The following BLK variants were observed in gnomAD, a reference collection of about 807,000 sequenced individuals.
The protein encoded by BLK is tyrosine-protein kinase Blk.
In BLK, 64 loss-of-function variants were observed where a neutral mutation model predicts 61.8. The observed-to-expected ratio is 1.03, with a 90% confidence interval of 0.85 to 1.27. The LOEUF is 1.27. Among genes scored for constraint, BLK ranks in the 50% most tolerant of loss-of-function variants. The pLI is 0.00. For synonymous variants in BLK, 351 were observed against 272.0 expected, an observed-to-expected ratio of 1.29 and a Z score of -2.86; for missense variants, 853 against 660.5, an observed-to-expected ratio of 1.29 and a Z score of -3.19.
At chr8:11,530,751 A>T (rs982319462) in intron 1 of BLK, among the ~76,000 whole-genome samples, 2 of 152,248 alleles carry the variant, frequency 1.3e-5, no homozygotes, top group African/African-American at 4.8e-5. Flanking sequence ...GAAAAGTCGA[A>T]AAGATTTTTC....
In BLK at chr8:11,561,399, T is replaced by A. The variant is rs1801501823; in HGVS notation, c.1127T>A (p.Ile376Asn). 6.2e-7 allele frequency: 1 copy of A among 1,613,942 alleles called. No homozygotes were observed. The change falls in exon 11 of 13, where the codon ATT becomes AAT. Residue 376 changes from isoleucine (I) to asparagine (N), a missense_variant. Physicochemically the swap from Ile to Asn is moderately radical, Grantham distance 149. Transcript: ENST00000259089. ...GTGTCTGAGGCCTTGTGCTGCAAAATTGCTGATTTTGGCTTGGCTCGAATC... is the reference window on the plus strand; with the variant it reads ...GTGTCTGAGGCCTTGTGCTGCAAAAATGCTGATTTTGGCTTGGCTCGAATC... ...ILVSEALCCKIADFGLARIID... is the reference protein window; with the variant it reads ...ILVSEALCCKNADFGLARIID...
At chr8:11,506,983 G>C (rs969987499) in intron 1 of BLK, among the ~76,000 whole-genome samples, 1 of 152,238 alleles carries the variant, frequency 6.6e-6, no homozygotes, top group African/African-American at 2.4e-5. Context: ...AATGGGTGCA[G>C]AACCATCGTG....
chr8:11,514,462 G>A (rs544271635), intron 1 of BLK, among the ~76,000 whole-genome samples: 1 of 152,376 alleles, frequency 6.6e-6, no homozygotes, highest in South Asian at 2.1e-4. Flanking sequence ...GGCCATCCCA[G>A]GTCTCAGAAG....
At chr8:11,536,522 C>T (rs567244853) in intron 1 of BLK, among the ~76,000 whole-genome samples, 1 of 152,208 alleles carries the variant, frequency 6.6e-6, no homozygotes, top group African/African-American at 2.4e-5. Context: ...TCCCAAGTAG[C>T]TGGGATTACA....
intron 1 of BLK, among the ~76,000 whole-genome samples, chr8:11,498,561 A>T (rs931555268): frequency 6.6e-6 from 1 of 152,248 alleles, no homozygotes; most frequent in Non-Finnish European, 1.5e-5. Flanking sequence ...CATAGAAGTC[A>T]GACAAAGCAG....
intron 1 of BLK, among the ~76,000 whole-genome samples, chr8:11,531,369 A>G (rs1799879907): frequency 6.6e-6 from 1 of 152,074 alleles, no homozygotes; most frequent in African/African-American, 2.4e-5. Flanking sequence ...CTAAGGGAAT[A>G]ATCTATTCTA....
At chr8:11,547,874 G>A (rs1049799947) in intron 3 of BLK, among the ~76,000 whole-genome samples, 158 bp from the exon 4 acceptor site, 9 of 152,024 alleles carry the variant, frequency 5.9e-5, no homozygotes, top group African/African-American at 1.9e-4. Context: ...ATCCCTGGTG[G>A]GGTCACAGGG....
Position 11,537,752 on chromosome 8 carries a change from G to A in BLK, c.-1-5472G>A, listed in dbSNP as rs542690348. ...ATGTATTAGAAAAAAAGAAAAACTC[G>A]TTATCCGTCAAGTGCTTTTCAACCA... On this transcript the variant is annotated intron_variant, in intron 1 of 12. Transcript: ENST00000259089. Among the ~76,000 whole-genome samples, 21 of 152,272 alleles carry A rather than the reference G, an allele frequency of 1.4e-4. No individual in the cohort carries two copies. In the East Asian group the frequency reaches 4.0e-3, roughly 29 times the overall value.
chr8:11,497,379 C>A (rs1798398376), intron 1 of BLK, among the ~76,000 whole-genome samples: 1 of 152,174 alleles, frequency 6.6e-6, no homozygotes, highest in Non-Finnish European at 1.5e-5. Context: ...CCCACCTTCC[C>A]ACCTAGGCAA....
At chr8:11,526,144 A>G (rs1799644511) in intron 1 of BLK, among the ~76,000 whole-genome samples, 1 of 152,188 alleles carries the variant, frequency 6.6e-6, no homozygotes, top group African/African-American at 2.4e-5. Context: ...AATATCTCTG[A>G]GCTAAATACA....
rs758119170 is a variant in BLK at position 11,556,680 on chromosome 8, G to T, written c.795G>T (p.Lys265Asn). The T allele has an allele frequency of 6.2e-7, 1 of 1,614,068 alleles. No homozygotes were observed. Among genetic ancestry groups the T allele is most frequent in the Non-Finnish European group, 8.5e-7 (1 of 1,180,048 alleles). Residue 265 changes from lysine to asparagine, a missense_variant, in exon 9 of 13, where the codon AAG becomes AAT. Coordinates refer to ENST00000259089, the MANE Select transcript of BLK (RefSeq NM_001715.3). ...VWMGYYKNNMKVAIKTLKEGT... is the reference protein window; with the variant it reads ...VWMGYYKNNMNVAIKTLKEGT... ...CAGGTTACTACAAAAACAACATGAAGGTGGCCATTAAGACGCTGAAGGAGG... is the reference window on the plus strand; with the variant it reads ...CAGGTTACTACAAAAACAACATGAATGTGGCCATTAAGACGCTGAAGGAGG...
At chr8:11,515,827 G>C (rs1323239849) in intron 1 of BLK, among the ~76,000 whole-genome samples, 4 of 152,212 alleles carry the variant, frequency 2.6e-5, no homozygotes, top group Admixed American at 2.6e-4. Flanking sequence ...AAATCAAACA[G>C]GGAATTGCTT....
At chr8:11,563,499 C>A (rs190328168) in intron 12 of BLK, among the ~76,000 whole-genome samples, 102 of 152,330 alleles carry the variant, frequency 6.7e-4, no homozygotes, top group African/African-American at 2.3e-3. Flanking sequence ...CAGCCCCCAG[C>A]CCCAGTCGAA....
intron 1 of BLK, among the ~76,000 whole-genome samples, chr8:11,524,332 T>C (rs7012615): frequency 0.02 from 3,096 of 152,272 alleles, 95 homozygotes; most frequent in African/African-American, 0.07. Context: ...GATTTTCCAT[T>C]GGTGGTAGGG....
chr8:11,508,808 T>A (rs1798881060), intron 1 of BLK, among the ~76,000 whole-genome samples: 2 of 152,168 alleles, frequency 1.3e-5, no homozygotes, highest in African/African-American at 4.8e-5. Flanking sequence ...TCCTGCCCTT[T>A]GGGGCCATCA....
intron 2 of BLK, among the ~76,000 whole-genome samples, chr8:11,543,774 C>T (rs756215381): frequency 2.0e-5 from 3 of 152,052 alleles, no homozygotes; most frequent in Non-Finnish European, 2.9e-5. Flanking sequence ...CCTCACCTCC[C>T]GAGCAGGCTC....
chr8:11,563,029 G>C lies in BLK; in HGVS notation c.1231G>C (p.Val411Leu). 1 of 1,614,184 alleles carries C rather than the reference G, an allele frequency of 6.2e-7. No homozygotes were observed. Among genetic ancestry groups the C allele is most frequent in the South Asian group, 1.1e-5 (1 of 91,090 alleles). ...AGCCCCGGAAGCCATCCACTTCGGG[G>C]TCTTCACCATCAAAGCAGACGTGTG... ...WTAPEAIHFGVFTIKADVWSF... is the reference protein window; with the variant it reads ...WTAPEAIHFGLFTIKADVWSF... Residue 411 changes from valine to leucine, a missense_variant, in exon 12 of 13, where the codon GTC becomes CTC. By Grantham distance (32) the Val-to-Leu change is conservative. Transcript: ENST00000259089.
At chr8:11,560,964 A>C in intron 10 of BLK, 2 of 504,068 alleles carry the variant, frequency 4.0e-6, no homozygotes, top group Non-Finnish European at 3.9e-6. Flanking sequence ...CTTCCTTACC[A>C]TTTCTTCTCT....
At chr8:11,549,949 C>A in intron 5 of BLK, 2 of 626,502 alleles carry the variant, frequency 3.2e-6, no homozygotes, top group South Asian at 1.7e-5. Context: ...AACAGTGAGT[C>A]CAGGGCTGAC....
Sources: allele counts gnomAD v4.1 joint callset (sites outside exome capture counted in the v4.1 genomes callset), GRCh38; gene constraint gnomAD v4.1.1; transcripts MANE v1.5; gene names NCBI Gene and HGNC (gene_info 2026-07-23, HGNC 2026-07-21).